BABAM2: variants seen among roughly 807,000 people sequenced by gnomAD.
BABAM2 encodes BRISC and BRCA1 A complex member 2.
Under a neutral mutation model 54.7 loss-of-function variants are expected in BABAM2, and 31 were observed. The ratio of observed to expected loss-of-function variants is 0.57; its 90% CI spans 0.43 to 0.77. The LOEUF (loss-of-function observed/expected upper bound fraction) is 0.77. Among genes scored for constraint, BABAM2 ranks in the 30% least tolerant of loss-of-function variants. The pLI is 0.00. For synonymous variants in BABAM2, 167 were observed against 162.9 expected, an observed-to-expected ratio of 1.03 and a Z score of -0.19; for missense variants, 364 against 455.8, an observed-to-expected ratio of 0.80 and a Z score of 1.83.
At chr2:27,928,836 A>C (rs1055030974) in intron 2 of BABAM2, among the ~76,000 whole-genome samples, 3 of 152,016 alleles carry the variant, frequency 2.0e-5, no homozygotes, top group Non-Finnish European at 4.4e-5. Context: ...TGAACTTATG[A>C]CTTCTAAGAT....
intron 6 of BABAM2, among the ~76,000 whole-genome samples, chr2:28,091,001 A>G (rs1666113238): frequency 6.6e-6 from 1 of 152,208 alleles, no homozygotes; most frequent in Admixed American, 6.5e-5. Flanking sequence ...ATTGGATATC[A>G]GTGTTTTTTT....
intron 6 of BABAM2, among the ~76,000 whole-genome samples, chr2:28,050,454 G>A (rs908305864): frequency 6.6e-6 from 1 of 152,150 alleles, no homozygotes; most frequent in Admixed American, 6.5e-5. Context: ...ACCTTGAACT[G>A]CAGTGCCACT....
intron 10 of BABAM2, among the ~76,000 whole-genome samples, chr2:28,257,975 G>A (rs1425804419): frequency 2.0e-5 from 3 of 152,134 alleles, no homozygotes; most frequent in Non-Finnish European, 4.4e-5. Context: ...TCAGGAATTC[G>A]AGACCAGCCT....
intron 10 of BABAM2, among the ~76,000 whole-genome samples, chr2:28,286,277 T>C (rs917972519): frequency 1.1e-4 from 16 of 152,244 alleles, no homozygotes; most frequent in Middle Eastern, 3.4e-3. Context: ...GTACATACTT[T>C]CCAAAGCATT....
At chr2:28,095,051 G>A (rs1291708845) in intron 6 of BABAM2, among the ~76,000 whole-genome samples, 1 of 151,878 alleles carries the variant, frequency 6.6e-6, no homozygotes, top group African/African-American at 2.4e-5. Flanking sequence ...CCTTGTAAAT[G>A]CATTGTTTCC....
chr2:28,086,699 G>A (rs1419511302), intron 6 of BABAM2, among the ~76,000 whole-genome samples: 1 of 152,164 alleles, frequency 6.6e-6, no homozygotes, highest in Non-Finnish European at 1.5e-5. Flanking sequence ...AACAATGTAA[G>A]AACTTATTTA....
At chr2:28,290,090 T>G (rs1687165783) in intron 10 of BABAM2, among the ~76,000 whole-genome samples, 1 of 152,242 alleles carries the variant, frequency 6.6e-6, no homozygotes, top group Admixed American at 6.5e-5. Context: ...CTGAACAGTG[T>G]TCATCTGCAG....
At chr2:28,128,099 A>G (rs1669726428) in intron 6 of BABAM2, among the ~76,000 whole-genome samples, 3 of 152,118 alleles carry the variant, frequency 2.0e-5, no homozygotes, top group Non-Finnish European at 2.9e-5. Flanking sequence ...GGCATGAGCC[A>G]CCGCGCCCAG....
At chr2:28,102,683 TG>T (rs1667188828) in intron 6 of BABAM2, among the ~76,000 whole-genome samples, 3 of 152,212 alleles carry the variant, frequency 2.0e-5, no homozygotes, top group African/African-American at 7.2e-5. Context: ...TCTTCCACTT[TG>T]GGGTCTTTGA....
At chr2:28,223,567 A>G (rs1680604573) in intron 7 of BABAM2, among the ~76,000 whole-genome samples, 2 of 152,212 alleles carry the variant, frequency 1.3e-5, no homozygotes, top group Admixed American at 1.3e-4. Context: ...CTTATTGGGC[A>G]GCTGTGGTGG....
At chr2:28,037,526 T>G (rs1409984558) in intron 5 of BABAM2, among the ~76,000 whole-genome samples, 1 of 152,186 alleles carries the variant, frequency 6.6e-6, no homozygotes, top group Non-Finnish European at 1.5e-5. Context: ...AATAATCTTG[T>G]ATATATGTCA....
At chr2:27,949,253 C>T (rs910212775) in intron 3 of BABAM2, among the ~76,000 whole-genome samples, 4 of 152,224 alleles carry the variant, frequency 2.6e-5, no homozygotes, top group Non-Finnish European at 4.4e-5. Context: ...ATATTGTTGG[C>T]TGGGAGCGGT....
At chr2:28,289,889 T>C (rs1473219336) in intron 10 of BABAM2, among the ~76,000 whole-genome samples, 1 of 152,148 alleles carries the variant, frequency 6.6e-6, no homozygotes, top group Non-Finnish European at 1.5e-5. Context: ...GTCAATTCAG[T>C]TGAAGCCCCC....
At chr2:28,130,982 C>G (rs1669986918) in intron 7 of BABAM2, among the ~76,000 whole-genome samples, 1 of 151,958 alleles carries the variant, frequency 6.6e-6, no homozygotes. Flanking sequence ...CTCAGGTGAT[C>G]TGCCCGCTTC....
At chr2:28,026,857 T>TAC (rs1675777521) in intron 5 of BABAM2, among the ~76,000 whole-genome samples, 1 of 81,798 alleles carries the variant, frequency 1.2e-5, no homozygotes, top group Non-Finnish European at 2.1e-5. Flanking sequence ...TATATTTATA[T>TAC]ATATAGATAT....
At chr2:28,222,756 C>G (rs897700050) in intron 7 of BABAM2, among the ~76,000 whole-genome samples, 1 of 152,216 alleles carries the variant, frequency 6.6e-6, no homozygotes, top group African/African-American at 2.4e-5. Context: ...GTTCCCAGAA[C>G]CCCTTCTCTT....
intron 2 of BABAM2, among the ~76,000 whole-genome samples, chr2:27,915,120 C>T (rs911801173): frequency 6.6e-6 from 1 of 152,114 alleles, no homozygotes. Flanking sequence ...TAAGTCTTTT[C>T]ATGGTTGGAC....
chr2:28,115,494 C>T (rs1333461960), intron 6 of BABAM2, among the ~76,000 whole-genome samples: 2 of 151,874 alleles, frequency 1.3e-5, no homozygotes, highest in Non-Finnish European at 2.9e-5. Flanking sequence ...GGCGTGGTGG[C>T]GGGCGCCTGT....
intron 2 of BABAM2, among the ~76,000 whole-genome samples, chr2:27,921,713 A>G (rs1345295467): frequency 6.6e-6 from 1 of 152,212 alleles, no homozygotes. Context: ...TGCCTGCCAC[A>G]TTAGTAAATG....
Sources: allele counts gnomAD v4.1 joint callset (sites outside exome capture counted in the v4.1 genomes callset), GRCh38; gene constraint gnomAD v4.1.1; transcripts MANE v1.5; gene names NCBI Gene and HGNC (gene_info 2026-07-23, HGNC 2026-07-21).